Variants in C2orf92 observed in about 807,000 individuals in gnomAD.
C2orf92 encodes chromosome 2 open reading frame 92, also known as uncharacterized protein C2orf92.
chr2:97,669,175 T>C (rs745459595), upstream of C2orf92: 2 of 152,216 alleles, frequency 1.3e-5, no homozygotes, highest in Non-Finnish European at 2.9e-5. Context: ...TAAAATGTAA[T>C]AGAGGGAAAT....
chr2:97,671,427 G>A (rs1011991509), intron 1 of C2orf92: 10 of 398,400 alleles, frequency 2.5e-5, no homozygotes, highest in Non-Finnish European at 4.0e-5. Flanking sequence ...GATTAAAGAC[G>A]TGAGCCACGG....
At chr2:97,697,063 C>T (rs1676328695) in intron 5 of C2orf92, among the ~76,000 whole-genome samples, 1 of 152,176 alleles carries the variant, frequency 6.6e-6, no homozygotes, top group African/African-American at 2.4e-5. Context: ...AAGGTTTTTA[C>T]CAAGCCCAGC....
rs1238344269 is a variant in C2orf92 at position 97,698,937 on chromosome 2, T to C, written c.404-89T>C. On this transcript the variant is annotated intron_variant, in intron 5 of 7. Coordinates refer to ENST00000627399, the MANE Select transcript of C2orf92 (RefSeq NM_001351368.2). The stretch of plus-strand genomic sequence containing the variant: ...CCAAGTCCTCCCTAACTCCTCACTT[T>C]GAGTCTAGAAGAAGCTACTTTTATC... 5 of 396,276 alleles carry C rather than the reference T, an allele frequency of 1.3e-5. No homozygotes were observed. In the Admixed American group the frequency reaches 2.2e-4, roughly 17 times the overall value. 24.5% of individuals were successfully genotyped at this position (396,276 alleles called of 1,614,324 possible).
intron 5 of C2orf92, among the ~76,000 whole-genome samples, chr2:97,692,675 G>T (rs1676177049): frequency 6.6e-6 from 1 of 152,192 alleles, no homozygotes; most frequent in Non-Finnish European, 1.5e-5. Flanking sequence ...CTCCCAAAGT[G>T]CTGGGATTAC....
chr2:97,680,827 G>A (rs1675745243), intron 3 of C2orf92, among the ~76,000 whole-genome samples: 1 of 152,180 alleles, frequency 6.6e-6, no homozygotes. Context: ...TCAGGAGGCT[G>A]AGGCAGGAGA....
chr2:97,668,807 C>G (rs1675314442), upstream of C2orf92: 1 of 152,210 alleles, frequency 6.6e-6, no homozygotes, highest in African/African-American at 2.4e-5. Flanking sequence ...GTACTCGCCA[C>G]CACACCTGGC....
intron 2 of C2orf92, 138 bp downstream of exon 2, chr2:97,674,695 T>G (rs1303891220): frequency 3.0e-5 from 12 of 394,826 alleles, no homozygotes; most frequent in Non-Finnish European, 5.4e-5. Flanking sequence ...AACTGAGATG[T>G]GAAGAACTCT....
At chr2:97,674,259 C>A (rs980815307) in intron 1 of C2orf92, 197 bp from the exon 2 acceptor site, 5 of 380,060 alleles carry the variant, frequency 1.3e-5, no homozygotes, top group Non-Finnish European at 2.3e-5. Flanking sequence ...TGTTTGCTGC[C>A]CCAAATGTCT....
chr2:97,673,352 G>GCACC (rs1178407348), intron 1 of C2orf92, among the ~76,000 whole-genome samples: 1 of 152,084 alleles, frequency 6.6e-6, no homozygotes, highest in Non-Finnish European at 1.5e-5. Context: ...CTGGTCTGCA[G>GCACC]CACCCCTTCA....
chr2:97,679,031 A>G (rs1675673654), intron 3 of C2orf92, among the ~76,000 whole-genome samples: 1 of 152,050 alleles, frequency 6.6e-6, no homozygotes, highest in African/African-American at 2.4e-5. Flanking sequence ...AGAATTCTCT[A>G]TCTGACAAAA....
chr2:97,698,047 C>G (rs1442949370), intron 5 of C2orf92: 1 of 152,220 alleles, frequency 6.6e-6, no homozygotes, highest in African/African-American at 2.4e-5. Flanking sequence ...CCACTTCCAG[C>G]TCTTGGAGGT....
chr2:97,699,919 G>C (rs1222559653), intron 6 of C2orf92, among the ~76,000 whole-genome samples: 1 of 152,214 alleles, frequency 6.6e-6, no homozygotes, highest in Admixed American at 6.5e-5. Flanking sequence ...CTGAAGGTAG[G>C]AGGCTGGACA....
At chr2:97,670,534 A>T (rs973699575) in intron 1 of C2orf92, 2 of 151,986 alleles carry the variant, frequency 1.3e-5, no homozygotes, top group Non-Finnish European at 2.9e-5. Flanking sequence ...TATAATATAT[A>T]ATAAAATTCA....
chr2:97,686,864 A>G (rs563805689), intron 3 of C2orf92, among the ~76,000 whole-genome samples: 1 of 152,150 alleles, frequency 6.6e-6, no homozygotes, highest in Non-Finnish European at 1.5e-5. Flanking sequence ...AAAATTAAAA[A>G]AAAATTAGCT....
upstream of C2orf92, chr2:97,664,214 G>A (rs1367199148): frequency 2.4e-5 from 4 of 169,132 alleles, no homozygotes; most frequent in African/African-American, 9.5e-5. Flanking sequence ...CAGTGTCTGG[G>A]ATGATGTCAT....
chr2:97,686,514 G>A (rs574691866), intron 3 of C2orf92, among the ~76,000 whole-genome samples: 5 of 151,148 alleles, frequency 3.3e-5, no homozygotes, highest in Admixed American at 6.6e-5. Flanking sequence ...CTGCCTCCCC[G>A]GTTCAAGCGA....
intron 5 of C2orf92, among the ~76,000 whole-genome samples, chr2:97,696,731 C>CAAAAACA (rs958094854): frequency 3.3e-5 from 5 of 152,072 alleles, no homozygotes; most frequent in Middle Eastern, 3.4e-3. Flanking sequence ...GACTCCGTCT[C>CAAAAACA]AAAAACAAAA....
intron 3 of C2orf92, among the ~76,000 whole-genome samples, chr2:97,680,692 C>T (rs148443513): frequency 0.028 from 4,243 of 152,064 alleles, 196 homozygotes; most frequent in African/African-American, 0.096. Context: ...TTTAGGAGGC[C>T]GAGGCGGGCG....
upstream of C2orf92, chr2:97,666,978 C>T (rs979696670): frequency 9.9e-5 from 15 of 152,264 alleles, no homozygotes; most frequent in South Asian, 2.1e-4. Flanking sequence ...GTTCCTCCTC[C>T]GAGGTGACCT....
Sources: allele counts gnomAD v4.1 joint callset (sites outside exome capture counted in the v4.1 genomes callset), GRCh38; gene constraint gnomAD v4.1.1; transcripts MANE v1.5; gene names NCBI Gene and HGNC (gene_info 2026-07-23, HGNC 2026-07-21).